The following DHRSX variants were observed in gnomAD, a reference collection of about 807,000 sequenced individuals.
DHRSX encodes the protein dehydrogenase/reductase X-linked.
In DHRSX, 31 loss-of-function variants were observed where a neutral mutation model predicts 34.0. The observed-to-expected ratio is 0.91, with a 90% CI of 0.69 to 1.23. DHRSX has a LOEUF of 1.23. DHRSX is among the 50% of genes most tolerant of loss of function. DHRSX has a pLI of 0.00. For missense variants in DHRSX, 414 were observed against 428.1 expected, an observed-to-expected ratio of 0.97 and a Z score of 0.29; for synonymous variants, 201 against 183.8, an observed-to-expected ratio of 1.09 and a Z score of -0.76.
At chrX:2,325,963 C>A (rs1311178017) in intron 3 of DHRSX, among the ~76,000 whole-genome samples, 4 of 152,214 alleles carry the variant, frequency 2.6e-5, no homozygotes, top group Non-Finnish European at 4.4e-5. Flanking sequence ...GACAACGTAG[C>A]CACTTCACTA....
intron 1 of DHRSX, among the ~76,000 whole-genome samples, chrX:2,494,918 G>A (rs781281064): frequency 6.6e-6 from 1 of 151,572 alleles, no homozygotes; most frequent in South Asian, 2.1e-4. Context: ...TTCTTATTTG[G>A]CTGAAAGAGC....
intron 3 of DHRSX, among the ~76,000 whole-genome samples, chrX:2,295,017 C>A (rs148277965): frequency 6.6e-6 from 1 of 152,052 alleles, no homozygotes; most frequent in Non-Finnish European, 1.5e-5. Context: ...GACAGTGTGG[C>A]GATTCCTCAA....
intron 3 of DHRSX, among the ~76,000 whole-genome samples, chrX:2,303,474 C>A (rs1161805387): frequency 6.6e-6 from 1 of 152,128 alleles, no homozygotes; most frequent in African/African-American, 2.4e-5. Context: ...CCTGCTCTAG[C>A]CATTAAGACG....
intron 1 of DHRSX, among the ~76,000 whole-genome samples, chrX:2,427,595 A>G (rs2043865881): frequency 6.6e-6 from 1 of 152,180 alleles, no homozygotes; most frequent in African/African-American, 2.4e-5. Context: ...TCAAAATAAA[A>G]AGAAATCACA....
chrX:2,341,072 G>A (rs1403976325), intron 3 of DHRSX, among the ~76,000 whole-genome samples: 1 of 152,034 alleles, frequency 6.6e-6, no homozygotes, highest in Admixed American at 6.6e-5. Flanking sequence ...TCTCTCTCCA[G>A]TTTGCGATCC....
chrX:2,252,219 A>G (rs1374351984), intron 5 of DHRSX, among the ~76,000 whole-genome samples: 2 of 151,876 alleles, frequency 1.3e-5, no homozygotes, highest in Admixed American at 1.3e-4. Context: ...CCTGGGTGAC[A>G]AGAGCAAAAC....
rs1231797857 is a variant in DHRSX, at chrX:2,225,478, ACACT to A, written c.805-4253_805-4250del. On this transcript the variant is annotated intron_variant, in intron 6 of 6. Transcript: ENST00000334651. ...TGCTTATATATTCATTTGCATGCAC[ACACT>A]CATACACATGCACAGATTATTTATC... is the stretch of plus-strand genomic sequence containing the variant. 3.9e-5 allele frequency among the ~76,000 whole-genome samples: 6 copies of A among 152,236 alleles called. No homozygotes were observed. The East Asian group carries it at 9.6e-4, about 24-fold the overall frequency.
intron 1 of DHRSX, among the ~76,000 whole-genome samples, chrX:2,491,520 A>G (rs2045145788): frequency 2.6e-5 from 4 of 152,194 alleles, no homozygotes; most frequent in Admixed American, 2.6e-4. Flanking sequence ...CCCACTGCCA[A>G]CCATCACAGC....
At chrX:2,479,531 G>A (rs769707719) in intron 1 of DHRSX, among the ~76,000 whole-genome samples, 1 of 150,860 alleles carries the variant, frequency 6.6e-6, no homozygotes, top group African/African-American at 2.4e-5. Flanking sequence ...ATGCGACCAG[G>A]GGACCGCCAC....
At chrX:2,231,810 T>C (rs1484951689) in intron 6 of DHRSX, among the ~76,000 whole-genome samples, 2 of 114,052 alleles carry the variant, frequency 1.8e-5, no homozygotes, top group African/African-American at 4.4e-5. Context: ...TCCCTCTCTC[T>C]CCCTTCCTCT....
chrX:2,345,908 C>G (rs1397038139), intron 3 of DHRSX, among the ~76,000 whole-genome samples: 21 of 152,232 alleles, frequency 1.4e-4, no homozygotes, highest in Admixed American at 6.5e-4. Flanking sequence ...ACCATATGAG[C>G]AAAATTCCTT....
At chrX:2,244,550 C>G (rs2016232614) in intron 5 of DHRSX, among the ~76,000 whole-genome samples, 1 of 152,052 alleles carries the variant, frequency 6.6e-6, no homozygotes, top group Admixed American at 6.6e-5. Context: ...TTCAATAAGA[C>G]AAGGAGAAGT....
intron 5 of DHRSX, among the ~76,000 whole-genome samples, chrX:2,245,269 C>G (rs959306768): frequency 1.3e-5 from 2 of 152,016 alleles, no homozygotes; most frequent in East Asian, 1.9e-4. Context: ...GAGCTGGAAG[C>G]CCCCTCCCTG....
chrX:2,271,098 T>C (rs1345478697), intron 4 of DHRSX, among the ~76,000 whole-genome samples: 2 of 152,202 alleles, frequency 1.3e-5, no homozygotes, highest in Non-Finnish European at 2.9e-5. Flanking sequence ...ATCTTGCTGC[T>C]GCTCACTCTT....
At chrX:2,304,095 T>G (rs868514490) in intron 3 of DHRSX, among the ~76,000 whole-genome samples, 6,779 of 50,846 alleles carry the variant, frequency 0.13, no homozygotes, top group Middle Eastern at 0.19. Flanking sequence ...GTGGGTGGAT[T>G]GATGGATGGA....
intron 5 of DHRSX, among the ~76,000 whole-genome samples, chrX:2,264,268 C>T (rs1240321406): frequency 1.3e-5 from 2 of 151,786 alleles, no homozygotes; most frequent in African/African-American, 2.4e-5. Flanking sequence ...CCAGCAGAAG[C>T]AGGGAGCACC....
intron 6 of DHRSX, among the ~76,000 whole-genome samples, chrX:2,233,378 T>G (rs2015942158): frequency 6.6e-6 from 1 of 152,072 alleles, no homozygotes; most frequent in South Asian, 2.1e-4. Context: ...CAGCTTTTTT[T>G]TTTTTTTAAA....
intron 3 of DHRSX, among the ~76,000 whole-genome samples, chrX:2,344,557 C>G (rs2042677360): frequency 6.6e-6 from 1 of 152,006 alleles, no homozygotes; most frequent in Non-Finnish European, 1.5e-5. Flanking sequence ...GGTTCATGTC[C>G]TTTGCAGGGA....
chrX:2,410,815 T>G (rs1385399800), intron 2 of DHRSX, among the ~76,000 whole-genome samples: 1 of 152,194 alleles, frequency 6.6e-6, no homozygotes, highest in Non-Finnish European at 1.5e-5. Flanking sequence ...TAGTGCAAAG[T>G]CCATCCTTTG....
Sources: allele counts gnomAD v4.1 joint callset (sites outside exome capture counted in the v4.1 genomes callset), GRCh38; gene constraint gnomAD v4.1.1; transcripts MANE v1.5; gene names NCBI Gene and HGNC (gene_info 2026-07-23, HGNC 2026-07-21).